Variants in HTR1D observed in about 807,000 individuals in gnomAD.
The protein encoded by HTR1D is 5-HT-1D.
Under a neutral mutation model 21.1 loss-of-function variants are expected in HTR1D, and 18 were observed. The observed-to-expected ratio is 0.85, with a 90% confidence interval of 0.59 to 1.27. The LOEUF is 1.27. HTR1D is among the 50% of genes most tolerant of loss of function. HTR1D has a pLI of 0.00. For missense variants in HTR1D, 456 were observed against 481.4 expected, an observed-to-expected ratio of 0.95 and a Z score of 0.49; for synonymous variants, 196 against 204.4, an observed-to-expected ratio of 0.96 and a Z score of 0.35.
intron 1 of HTR1D, among the ~76,000 whole-genome samples, chr1:23,205,159 G>A (rs942988656): frequency 4.7e-5 from 7 of 148,108 alleles, no homozygotes; most frequent in African/African-American, 1.7e-4. Flanking sequence ...ACCAAACATT[G>A]TATGTTCTCA....
chr1:23,202,422 A>T (rs1024956862), intron 1 of HTR1D, among the ~76,000 whole-genome samples: 1 of 152,102 alleles, frequency 6.6e-6, no homozygotes, highest in Non-Finnish European at 1.5e-5. Context: ...CAAAAGCAAA[A>T]GCTGGCCTCT....
intron 1 of HTR1D, among the ~76,000 whole-genome samples, chr1:23,195,714 G>C (rs1268134035): frequency 6.6e-6 from 1 of 152,166 alleles, no homozygotes; most frequent in African/African-American, 2.4e-5. Context: ...GGGATTACAG[G>C]CATGAACTAC....
chr1:23,205,605 G>T (rs141317174), intron 1 of HTR1D, among the ~76,000 whole-genome samples: 42 of 152,272 alleles, frequency 2.8e-4, no homozygotes, highest in Non-Finnish European at 4.9e-4. Flanking sequence ...GTGCAATGGC[G>T]CTATCTTAGC....
chr1:23,215,843 G>A (rs1035089535), intron 1 of HTR1D, among the ~76,000 whole-genome samples: 7 of 152,180 alleles, frequency 4.6e-5, no homozygotes, highest in Non-Finnish European at 1.0e-4. Context: ...CCCCACCCAC[G>A]GGCTGCACTG....
chr1:23,208,330 G>A (rs1379528439), intron 1 of HTR1D, among the ~76,000 whole-genome samples: 1 of 152,090 alleles, frequency 6.6e-6, no homozygotes, highest in African/African-American at 2.4e-5. Context: ...CCATCACTTT[G>A]GGAGGTCGAG....
At position 23,191,895 on chromosome 1, in the gene HTR1D, T is replaced by A. The variant is rs1005360196; in HGVS notation, c.*1191A>T. 1.3e-5 allele frequency: 2 copies of A among 152,168 alleles called. No homozygotes were observed. The highest frequency in any genetic ancestry group is 1.3e-4 in the Admixed American group (2 of 15,270). 9.4% of individuals were successfully genotyped at this position (152,168 alleles called of 1,614,324 possible). On this transcript the variant is annotated 3_prime_UTR_variant, in exon 2 of 2. Coordinates refer to ENST00000374619, the MANE Select transcript of HTR1D (RefSeq NM_000864.5). ...GGGAAAAATCACCCAAAGACATTAC[T>A]GGCCATGATGTCTCATGCTTTTTAT...
rs1405270603 is a variant in HTR1D, at chr1:23,192,833, C to G, written c.*253G>C. ...GCCTGGCGAGAGGGCAAGACTCCGT[C>G]TCAAAAAAAAAAAAAAAGAAAGAAA... On this transcript the variant is annotated 3_prime_UTR_variant, in exon 2 of 2. Coordinates refer to ENST00000374619, the MANE Select transcript of HTR1D (RefSeq NM_000864.5). 3.5e-5 allele frequency: 8 copies of G among 231,010 alleles called. 1 individual carries two copies. The South Asian group carries it at 5.2e-4, about 15-fold the overall frequency. 14.3% of individuals were successfully genotyped at this position (231,010 alleles called of 1,614,324 possible). A position where few individuals can be genotyped will look rare whatever the true frequency, so the allele number is the denominator to read the frequency against.
intron 1 of HTR1D, among the ~76,000 whole-genome samples, chr1:23,216,205 C>T (rs979460492): frequency 6.6e-6 from 1 of 152,244 alleles, no homozygotes; most frequent in Admixed American, 6.5e-5. Context: ...ACGGGCTCAA[C>T]TGGAAAACAC....
At position 23,207,825 on chromosome 1, in the gene HTR1D, G is replaced by T. The variant is rs1049536607; in HGVS notation, c.-783+9466C>A. On this transcript the variant is annotated intron_variant, in intron 1 of 1. Coordinates refer to ENST00000374619, the MANE Select transcript of HTR1D (RefSeq NM_000864.5). The stretch of plus-strand genomic sequence containing the variant: ...CACCAAGACTGGAGTACAGTGGTGC[G>T]ATCTCAGCTCACTGCAACCTCCGCC... Among the ~76,000 whole-genome samples the T allele has an allele frequency of 6.1e-5, 9 of 148,510 alleles. No homozygotes were observed. In the South Asian group the frequency reaches 1.9e-3, roughly 32 times the overall value.
rs1264370256 is a variant in HTR1D at position 23,192,240 on chromosome 1, G to A, written c.*846C>T. Reference sequence around the variant, plus strand: ...CTATATCATCGGCACTGCAAATACTGTCTTTCTCTTCACGGACAACTGGGA... The same window carrying A: ...CTATATCATCGGCACTGCAAATACTATCTTTCTCTTCACGGACAACTGGGA... On this transcript the variant is annotated 3_prime_UTR_variant, in exon 2 of 2. Coordinates refer to ENST00000374619, the MANE Select transcript of HTR1D (RefSeq NM_000864.5). 6.6e-6 allele frequency: 1 copy of A among 152,520 alleles called. No homozygotes were observed. The highest frequency in any genetic ancestry group is 1.5e-5 in the Non-Finnish European group (1 of 68,040). 9.4% of individuals were successfully genotyped at this position (152,520 alleles called of 1,614,324 possible). A position where few individuals can be genotyped will look rare whatever the true frequency, so the allele number is the denominator to read the frequency against.
intron 1 of HTR1D, among the ~76,000 whole-genome samples, chr1:23,198,226 CA>C (rs1208583408): frequency 1.0e-4 from 15 of 150,168 alleles, no homozygotes; most frequent in African/African-American, 3.7e-4. Context: ...ATTAGCCGGG[CA>C]CAGTGGTGGG....
At chr1:23,213,255 C>A (rs1644760874) in intron 1 of HTR1D, among the ~76,000 whole-genome samples, 1 of 151,296 alleles carries the variant, frequency 6.6e-6, no homozygotes, top group African/African-American at 2.4e-5. Context: ...GAGGTCGAGG[C>A]TGGCGGATCA....
intron 1 of HTR1D, among the ~76,000 whole-genome samples, chr1:23,216,697 G>A (rs1644774776): frequency 1.3e-5 from 2 of 152,234 alleles, no homozygotes; most frequent in Admixed American, 6.5e-5. Context: ...ATCTAGCGGG[G>A]ATCTCACTTA....
chr1:23,215,242 C>T (rs896134145), intron 1 of HTR1D, among the ~76,000 whole-genome samples: 4 of 152,088 alleles, frequency 2.6e-5, no homozygotes, highest in African/African-American at 9.7e-5. Flanking sequence ...CATGGCGACA[C>T]CCTGTCTCTA....
At chr1:23,201,501 G>A (rs1465239399) in intron 1 of HTR1D, among the ~76,000 whole-genome samples, 1 of 152,108 alleles carries the variant, frequency 6.6e-6, no homozygotes, top group East Asian at 1.9e-4. Flanking sequence ...CAGTTTACAC[G>A]GACACAGCAG....
intron 1 of HTR1D, among the ~76,000 whole-genome samples, chr1:23,201,708 T>C (rs1286160866): frequency 6.6e-6 from 1 of 152,036 alleles, no homozygotes; most frequent in Non-Finnish European, 1.5e-5. Flanking sequence ...CAAGCCACCA[T>C]GCCCAGCAAA....
At chr1:23,195,596 G>T (rs1023788864) in intron 1 of HTR1D, among the ~76,000 whole-genome samples, 1 of 152,030 alleles carries the variant, frequency 6.6e-6, no homozygotes, top group Non-Finnish European at 1.5e-5. Context: ...ATGCCATCAC[G>T]CCCAACTAAT....
rs746291085 is a variant in HTR1D, at chr1:23,193,336, C to T, written c.884G>A (p.Arg295Gln). ...CAGGATTTTAGTGGCTTTCCTTTCT[C>T]GAGCAGCAGAAATCCTCTTGCGTTC... Reference protein sequence around the residue: ...ALERKRISAARERKATKILGI... With the variant: ...ALERKRISAAQERKATKILGI... The change falls in exon 2 of 2, where the codon CGA becomes CAA. Residue 295 changes from arginine to glutamine, a missense_variant. Transcript: ENST00000374619. The T allele has an allele frequency of 7.4e-6, 12 of 1,614,014 alleles. No homozygotes were observed. In the Admixed American group the frequency reaches 1.0e-4, roughly 13 times the overall value.
rs1031160904 is a variant in HTR1D, at chr1:23,194,925, G to A, written c.-706C>T. ...CAAAACATCCTGGTTACCAAGACTC[G>A]AAGAATGCATAAGCTGGGACCAGGC... is the stretch of plus-strand genomic sequence containing the variant. On this transcript the variant is annotated 5_prime_UTR_variant, in exon 2 of 2. Transcript: ENST00000374619. Among the ~76,000 whole-genome samples, 6 of 152,076 alleles carry A rather than the reference G, an allele frequency of 3.9e-5. No individual in the cohort carries two copies. Among genetic ancestry groups the A allele is most frequent in the South Asian group, 2.1e-4 (1 of 4,824 alleles).
Sources: gnomAD v4.1 joint callset for allele counts (sites outside exome capture counted in the v4.1 genomes callset) on GRCh38, gnomAD v4.1.1 for gene constraint, MANE v1.5 for transcripts, NCBI Gene and HGNC (gene_info 2026-07-23, HGNC 2026-07-21) for gene names.